DDX1: variants seen among roughly 807,000 people sequenced by gnomAD.
DDX1 encodes ATP-dependent RNA helicase DDX1.
DDX1 carries 28 observed loss-of-function variants against 108.7 expected under a neutral mutation model. The ratio of observed to expected loss-of-function variants is 0.26; its 90% CI spans 0.19 to 0.35. The LOEUF (loss-of-function observed/expected upper bound fraction) is 0.35, where lower values mean the gene tolerates loss of function less well. Among genes scored for constraint, DDX1 ranks in the 10% least tolerant of loss-of-function variants. The pLI, the probability that DDX1 is intolerant of heterozygous loss-of-function variation, is 1.00. For synonymous variants in DDX1, 295 were observed against 288.9 expected (o/e 1.02, Z -0.21); for missense variants, 710 against 884.5 (o/e 0.80, Z 2.50).
At position 15,603,887 on chromosome 2, in the gene DDX1, A is replaced by G; in HGVS notation, c.549A>G (p.Gly183=). ...KSHNKQFDNY[G]EEFTMHDTIG... ...ATAACAAACAATTTGATAATTATGG[A>G]GAGGTAAGCGATTATGTTATGACTT... Residue 183 remains glycine (G), a synonymous_variant, in exon 9 of 26, where the codon GGA becomes GGG. Transcript: ENST00000233084. 6.2e-7 allele frequency: 1 copy of G among 1,606,890 alleles called. No individual in the cohort carries two copies. Among genetic ancestry groups the G allele is most frequent in the South Asian group, 1.1e-5 (1 of 89,946 alleles).
intron 16 of DDX1, among the ~76,000 whole-genome samples, chr2:15,619,901 A>G (rs1329448066): frequency 6.6e-6 from 1 of 152,224 alleles, no homozygotes; most frequent in Admixed American, 6.5e-5. Context: ...TAAGAAGGAC[A>G]AGCTTTTGAG....
rs146298764 is a variant in DDX1, at chr2:15,623,198, A to G, written c.1448-238A>G. On this transcript the variant is annotated intron_variant, in intron 18 of 25. Transcript: ENST00000233084. ...AAGGGGTACGGTTATGGGTGTTTAT[A>G]TACCCCATAAAGTAGCATAAAAAAT... Among the ~76,000 whole-genome samples the G allele has an allele frequency of 3.2e-3, 484 of 152,262 alleles. 1 individual carries two copies. Among genetic ancestry groups the G allele is most frequent in the African/African-American group, 0.011 (438 of 41,554 alleles).
chr2:15,602,614 C>A lies in DDX1; in HGVS notation c.374C>A (p.Thr125Asn), dbSNP rs373201659. ...AAGGAATGGCATGGGTGTAGAGCTA[C>A]TAAAGGATTAATGAAAGGTATTTGA... Reference protein sequence around the residue: ...EVKEWHGCRATKGLMKGKHYY... With the variant: ...EVKEWHGCRANKGLMKGKHYY... The change falls in exon 7 of 26, where the codon ACT (threonine) becomes AAT (asparagine). Residue 125 changes from threonine to asparagine, a missense_variant. Coordinates refer to ENST00000233084, the MANE Select transcript of DDX1 (RefSeq NM_004939.3). 1 of 1,611,506 alleles carries A rather than the reference C, an allele frequency of 6.2e-7. No individual in the cohort carries two copies. The highest frequency in any genetic ancestry group is 8.5e-7 in the Non-Finnish European group (1 of 1,177,920).
chr2:15,605,903 G>T, intron 10 of DDX1, 47 bp from the exon 11 acceptor site: 1 of 1,282,324 alleles, frequency 7.8e-7, no homozygotes. Flanking sequence ...GCATGAGGAA[G>T]GTCTTTTCTG....
intron 4 of DDX1, 73 bp downstream of exon 4, chr2:15,596,836 T>G (rs1665508169): frequency 2.6e-6 from 3 of 1,144,100 alleles, no homozygotes; most frequent in Non-Finnish European, 3.8e-6. Context: ...TAGTTTTTAC[T>G]TTGAAATATT....
Position 15,606,044 on chromosome 2 carries a change from T to G in DDX1, c.702+18T>G. On this transcript the variant is annotated intron_variant, in intron 11 of 25. Transcript: ENST00000233084. Reference sequence around the variant, plus strand: ...TTTTGAAGGTAATTAGGAATCTAGTTAGAAAAAATTTGCTGTGGTTGTAAG... The same window carrying G: ...TTTTGAAGGTAATTAGGAATCTAGTGAGAAAAAATTTGCTGTGGTTGTAAG... The G allele has an allele frequency of 1.3e-6, 2 of 1,575,890 alleles. No homozygotes were observed. Among genetic ancestry groups the G allele is most frequent in the Non-Finnish European group, 1.7e-6 (2 of 1,161,468 alleles).
chr2:15,630,643 G>A, intron 25 of DDX1, 133 bp from the exon 26 acceptor site: 1 of 824,304 alleles, frequency 1.2e-6, no homozygotes, highest in Middle Eastern at 3.8e-4. Flanking sequence ...TCAAAGTTCT[G>A]GAGATAACTT....
rs779385990 is a variant in DDX1 at position 15,597,497 on chromosome 2, T to G, written c.259+26T>G. The G allele has an allele frequency of 4.2e-6, 6 of 1,415,134 alleles. No individual in the cohort carries two copies. In the South Asian group the frequency reaches 6.1e-5, roughly 14 times the overall value. 87.7% of individuals were successfully genotyped at this position (1,415,134 alleles called of 1,614,324 possible). ...GTAATTTTTGTAAATTGATATTTCCTTTTATATAAATCATTGGTTCTCATC... is the reference window on the plus strand; with the variant it reads ...GTAATTTTTGTAAATTGATATTTCCGTTTATATAAATCATTGGTTCTCATC... On this transcript the variant is annotated intron_variant, in intron 5 of 25. Transcript: ENST00000233084.
Position 15,613,201 on chromosome 2 carries a change from TATC to T in DDX1, c.957-19_957-17del, listed in dbSNP as rs765857760. ...GACTTTAATTTTTTTTTTTTTATAT[TATC>T]ATCTTGATATTTATTTCAGGGAGCT... is the stretch of plus-strand genomic sequence containing the variant. On this transcript the variant is annotated intron_variant, in intron 13 of 25. Transcript: ENST00000233084. 3.9e-6 allele frequency: 6 copies of T among 1,527,994 alleles called. No individual in the cohort carries two copies. In the Admixed American group the frequency reaches 1.2e-4, roughly 31 times the overall value. 94.7% of individuals were successfully genotyped at this position (1,527,994 alleles called of 1,614,324 possible).
At chr2:15,614,389 C>T (rs1317778091) in intron 14 of DDX1, among the ~76,000 whole-genome samples, 3 of 152,172 alleles carry the variant, frequency 2.0e-5, no homozygotes, top group African/African-American at 7.2e-5. Context: ...AGCAAGGAAT[C>T]ATATTACCAT....
chr2:15,624,437 A>G (rs1056476025), intron 19 of DDX1, among the ~76,000 whole-genome samples: 1 of 152,210 alleles, frequency 6.6e-6, no homozygotes, highest in African/African-American at 2.4e-5. Flanking sequence ...TAAAGGAAAG[A>G]GGTTTAATTG....
At chr2:15,599,993 C>A (rs545974888) in intron 6 of DDX1, among the ~76,000 whole-genome samples, 26 of 151,488 alleles carry the variant, frequency 1.7e-4, no homozygotes, top group Non-Finnish European at 3.5e-4. Flanking sequence ...CTGACACGAT[C>A]CATCTGGAGC....
rs184029574 is a variant in DDX1, at chr2:15,619,925, C to G, written c.1207-283C>G. On this transcript the variant is annotated intron_variant, in intron 16 of 25. Transcript: ENST00000233084. Reference sequence around the variant, plus strand: ...CAAGCTTTTGAGAGAAGGGGACAGACAGTAATACAGGATTTTTGGCTTACA... The same window carrying G: ...CAAGCTTTTGAGAGAAGGGGACAGAGAGTAATACAGGATTTTTGGCTTACA... Among the ~76,000 whole-genome samples, 15 of 152,266 alleles carry G rather than the reference C, an allele frequency of 9.9e-5. No individual in the cohort carries two copies. In the East Asian group the frequency reaches 2.7e-3, roughly 27 times the overall value.
At chr2:15,594,405 T>C (rs1231681831) in intron 1 of DDX1, among the ~76,000 whole-genome samples, 1 of 152,182 alleles carries the variant, frequency 6.6e-6, no homozygotes, top group African/African-American at 2.4e-5. Flanking sequence ...AACTAACTAC[T>C]CCATATATAA....
At chr2:15,597,350 T>C in intron 4 of DDX1, 25 bp from the exon 5 acceptor site, 1 of 1,426,944 alleles carries the variant, frequency 7.0e-7, no homozygotes, top group Non-Finnish European at 9.7e-7. Context: ...AATACTAATA[T>C]AGATACCTTT....
intron 19 of DDX1, among the ~76,000 whole-genome samples, chr2:15,624,765 A>G (rs916189938): frequency 1.3e-5 from 2 of 152,216 alleles, no homozygotes; most frequent in Non-Finnish European, 2.9e-5. Flanking sequence ...ATAAAATGAC[A>G]GTATAATACC....
chr2:15,618,510 C>T (rs935320566), intron 16 of DDX1, among the ~76,000 whole-genome samples: 5 of 152,198 alleles, frequency 3.3e-5, no homozygotes, highest in Non-Finnish European at 7.3e-5. Flanking sequence ...CGTGTATGAG[C>T]GAACGTGGGG....
At chr2:15,599,837 A>G (rs1573037169) in intron 6 of DDX1, 121 bp downstream of exon 6, 2 of 686,914 alleles carry the variant, frequency 2.9e-6, no homozygotes, top group Non-Finnish European at 4.9e-6. Context: ...TTTAGTCACT[A>G]TCATTAAACA....
chr2:15,621,071 G>A lies in DDX1; in HGVS notation c.1402G>A (p.Asp468Asn), dbSNP rs1558458561. The stretch of plus-strand genomic sequence containing the variant: ...TATTCCTTGCTTTTGATAGACTGAT[G>A]ATGTACATGCAAAAGATAACACAAG... ...RLGKSHIRTD[D>N]VHAKDNTRPG... Residue 468 changes from aspartate to asparagine, a missense_variant, in exon 18 of 26, where the codon GAT becomes AAT. Asp to Asn is a conservative substitution (Grantham distance 23, BLOSUM62 1). Around this residue, in one of 3 missense-constraint regions of DDX1, gnomAD observed 661 missense variants for 810.2 expected, o/e 0.82. Coordinates refer to ENST00000233084, the MANE Select transcript of DDX1 (RefSeq NM_004939.3). 8.1e-6 allele frequency: 13 copies of A among 1,606,778 alleles called. No individual in the cohort carries two copies. The highest frequency in any genetic ancestry group is 1.1e-5 in the Non-Finnish European group (13 of 1,174,366).
Sources: allele counts gnomAD v4.1 joint callset (sites outside exome capture counted in the v4.1 genomes callset), GRCh38; gene constraint gnomAD v4.1.1; regional missense constraint gnomAD v4.1.1; transcripts MANE v1.5; gene names NCBI Gene and HGNC (gene_info 2026-07-23, HGNC 2026-07-21).